The following NRXN3 variants were observed in gnomAD, a reference collection of about 807,000 sequenced individuals.
NRXN3 encodes neurexin 3, also known as neurexin III.
In NRXN3, 32 loss-of-function variants were observed where a neutral mutation model predicts 137.6. The ratio of observed to expected loss-of-function variants is 0.23; its 90% CI spans 0.18 to 0.31. NRXN3 has a LOEUF of 0.31. NRXN3 is among the 10% of genes least tolerant of loss of function. NRXN3 has a pLI of 1.00. For synonymous variants in NRXN3, 798 were observed against 784.5 expected, an observed-to-expected ratio of 1.02 and a Z score of -0.29; for missense variants, 1,574 against 2,062.5, an observed-to-expected ratio of 0.76 and a Z score of 4.59.
chr14:79,761,158 G>A (rs1224123760), intron 19 of NRXN3, among the ~76,000 whole-genome samples: 4 of 151,516 alleles, frequency 2.6e-5, no homozygotes, highest in Non-Finnish European at 5.9e-5. Context: ...TTTAATATTT[G>A]TCTTCTGTTG....
At chr14:79,685,882 G>A (rs17109751) in intron 17 of NRXN3, among the ~76,000 whole-genome samples, 57,896 of 152,074 alleles carry the variant, frequency 0.38, 13,543 homozygotes, top group African/African-American at 0.66. Context: ...AAACATGTAT[G>A]TTCAACCAGC....
At chr14:78,592,931 A>T (rs2097129180) in intron 4 of NRXN3, among the ~76,000 whole-genome samples, 1 of 152,160 alleles carries the variant, frequency 6.6e-6, no homozygotes, top group Non-Finnish European at 1.5e-5. Context: ...TTGGCTTGCA[A>T]AGTGGAAAGA....
At chr14:78,833,811 A>T (rs2098988896) in intron 10 of NRXN3, among the ~76,000 whole-genome samples, 1 of 151,264 alleles carries the variant, frequency 6.6e-6, no homozygotes, top group South Asian at 2.1e-4. Context: ...CCTGCCAAAG[A>T]GGTATTATTA....
chr14:78,343,946 G>A (rs1162588038), intron 4 of NRXN3, among the ~76,000 whole-genome samples: 2 of 152,172 alleles, frequency 1.3e-5, no homozygotes, highest in Non-Finnish European at 2.9e-5. Context: ...GATGCTTGAT[G>A]CTTGCTGCAC....
intron 4 of NRXN3, among the ~76,000 whole-genome samples, chr14:78,506,547 T>C (rs145437442): frequency 1.3e-3 from 190 of 151,848 alleles, no homozygotes; most frequent in African/African-American, 4.3e-3. Context: ...ATACAGGGGG[T>C]CCAATTTCTC....
intron 15 of NRXN3, among the ~76,000 whole-genome samples, chr14:79,372,941 T>C (rs1702681571): frequency 6.6e-6 from 1 of 152,112 alleles, no homozygotes. Context: ...ATTTTTGAGA[T>C]ACCCATTAAG....
intron 15 of NRXN3, among the ~76,000 whole-genome samples, chr14:79,055,723 GATAACTTAGGTCCTGGATAA>G (rs1427328960): frequency 1.3e-5 from 2 of 152,158 alleles, no homozygotes; most frequent in Non-Finnish European, 2.9e-5. Context: ...CCAAGAAAAT[GATAACTTAGGTCCTGGATAA>G]ATAAATTTTA....
intron 15 of NRXN3, among the ~76,000 whole-genome samples, chr14:79,155,711 A>G (rs958088371): frequency 4.0e-5 from 6 of 151,852 alleles, no homozygotes; most frequent in Non-Finnish European, 7.4e-5. Flanking sequence ...AAAAAAATAA[A>G]GGAGATTGGC....
chr14:78,633,231 G>A (rs1285947557), intron 4 of NRXN3, among the ~76,000 whole-genome samples: 1 of 129,114 alleles, frequency 7.7e-6, no homozygotes, highest in Non-Finnish European at 1.5e-5. Context: ...CTCAGCCTGG[G>A]CTACAGAGCG....
At chr14:79,785,103 C>A (rs775568937) in intron 19 of NRXN3, among the ~76,000 whole-genome samples, 3 of 152,160 alleles carry the variant, frequency 2.0e-5, no homozygotes, top group Non-Finnish European at 2.9e-5. Context: ...GCAGTAATGG[C>A]CTCATTCGGC....
chr14:78,894,536 T>A (rs1567634204), intron 10 of NRXN3, among the ~76,000 whole-genome samples: 1 of 151,936 alleles, frequency 6.6e-6, no homozygotes. Flanking sequence ...TTTGAACCCT[T>A]CAGCCATCCA....
At chr14:79,765,767 A>G (rs886722039) in intron 19 of NRXN3, among the ~76,000 whole-genome samples, 1 of 152,138 alleles carries the variant, frequency 6.6e-6, no homozygotes, top group Non-Finnish European at 1.5e-5. Context: ...CTGTCCAGGA[A>G]CTCATCTTCT....
At chr14:78,274,160 A>G (rs550761149) in intron 2 of NRXN3, among the ~76,000 whole-genome samples, 8 of 152,306 alleles carry the variant, frequency 5.3e-5, no homozygotes, top group Admixed American at 5.2e-4. Flanking sequence ...ATAGTGGTGA[A>G]TGATGGGCCC....
chr14:78,412,426 T>A (rs2092887454), intron 4 of NRXN3, among the ~76,000 whole-genome samples: 2 of 152,310 alleles, frequency 1.3e-5, no homozygotes, highest in Middle Eastern at 3.4e-3. Flanking sequence ...GTTTTTTTAC[T>A]GTTCTGTAAC....
At chr14:78,361,561 A>G (rs2085120001) in intron 4 of NRXN3, among the ~76,000 whole-genome samples, 1 of 152,180 alleles carries the variant, frequency 6.6e-6, no homozygotes, top group East Asian at 1.9e-4. Flanking sequence ...GTAAATAGCT[A>G]TTGTCACATC....
At chr14:78,222,337 C>T (rs2063944651) in intron 1 of NRXN3, among the ~76,000 whole-genome samples, 1 of 149,278 alleles carries the variant, frequency 6.7e-6, no homozygotes, top group Admixed American at 6.6e-5. Flanking sequence ...CACACATACA[C>T]ACACACACAC....
chr14:78,698,741 G>A lies in NRXN3; in HGVS notation c.1222-10476G>A, dbSNP rs1474503800. ...ACACTAATGATAGCTGCCACTCTGG[G>A]GTGCAGAACTTTCCATATAGATTGC... is the stretch of plus-strand genomic sequence containing the variant. On this transcript the variant is annotated intron_variant, in intron 6 of 20. Coordinates refer to ENST00000335750, the MANE Select transcript of NRXN3 (RefSeq NM_001330195.2). Among the ~76,000 whole-genome samples the A allele has an allele frequency of 4.6e-5, 7 of 151,992 alleles. No individual in the cohort carries two copies. In the East Asian group the frequency reaches 1.2e-3, roughly 25 times the overall value.
intron 4 of NRXN3, among the ~76,000 whole-genome samples, chr14:78,576,092 T>C (rs181233959): frequency 6.6e-6 from 1 of 152,234 alleles, no homozygotes; most frequent in Non-Finnish European, 1.5e-5. Flanking sequence ...CATGTATTAG[T>C]CATGCACAGA....
At position 78,937,261 on chromosome 14, in the gene NRXN3, A is replaced by T. The variant is rs368058610; in HGVS notation, c.2276-19981A>T. ...TTCTAGTCTCTCTGATCTCCATTTA[A>T]CATGTTCAGTCTACAAGTATTTTGG... On this transcript the variant is annotated intron_variant, in intron 10 of 20. Transcript: ENST00000335750. 2.8e-4 allele frequency among the ~76,000 whole-genome samples: 42 copies of T among 152,218 alleles called. No individual in the cohort carries two copies. In the South Asian group the frequency reaches 8.3e-3, roughly 30 times the overall value.
Sources: gnomAD v4.1 joint callset for allele counts (sites outside exome capture counted in the v4.1 genomes callset) on GRCh38, gnomAD v4.1.1 for gene constraint, MANE v1.5 for transcripts, NCBI Gene and HGNC (gene_info 2026-07-23, HGNC 2026-07-21) for gene names.